Variants in SPO11 observed in about 807,000 individuals in gnomAD.
SPO11 encodes meiotic recombination protein SPO11.
SPO11 carries 49 observed loss-of-function variants against 51.6 expected under a neutral mutation model. The observed-to-expected ratio is 0.95, with a 90% CI of 0.75 to 1.20. SPO11 has a LOEUF of 1.20. Among genes scored for constraint, SPO11 ranks in the 50% most tolerant of loss-of-function variants. The pLI is 0.00. For synonymous variants in SPO11, 176 were observed against 158.2 expected (o/e 1.11, Z -0.84); for missense variants, 431 against 473.4 (o/e 0.91, Z 0.83).
rs2066608048 is a variant in SPO11, at chr20:57,343,445, T to C, written c.1176T>C (p.Phe392=). The C allele has an allele frequency of 1.3e-6, 2 of 1,596,668 alleles. No individual in the cohort carries two copies. The highest frequency in any genetic ancestry group is 1.7e-6 in the Non-Finnish European group (2 of 1,175,304). The change falls in exon 13 of 13, where the codon TTT becomes TTC. Residue 392 remains phenylalanine, a synonymous_variant. Coordinates refer to ENST00000371263, the MANE Select transcript of SPO11 (RefSeq NM_012444.3). ...TGTACTTACCTAACAAATTAAAATT[T>C]GGAGGATGGATATAAAAATAAATCA... ...SRVYLPNKLK[F]GGWI is the part of the protein sequence containing the mutation.
intron 7 of SPO11, among the ~76,000 whole-genome samples, 161 bp from the exon 8 acceptor site, chr20:57,335,637 C>G (rs916167438): frequency 6.6e-6 from 1 of 152,028 alleles, no homozygotes; most frequent in Non-Finnish European, 1.5e-5. Context: ...GTGGAAGAGA[C>G]AGATATCTGA....
intron 11 of SPO11, among the ~76,000 whole-genome samples, chr20:57,340,661 G>A (rs916683991): frequency 2.0e-5 from 3 of 152,012 alleles, no homozygotes; most frequent in Non-Finnish European, 4.4e-5. Context: ...CAGCTACCGG[G>A]AAGGCTGAGG....
chr20:57,336,739 C>T (rs551190878), intron 8 of SPO11, among the ~76,000 whole-genome samples: 1 of 152,260 alleles, frequency 6.6e-6, no homozygotes, highest in Non-Finnish European at 1.5e-5. Context: ...TGTTCATGTG[C>T]TATTATTTTT....
At chr20:57,340,532 G>A (rs1031271122) in intron 11 of SPO11, among the ~76,000 whole-genome samples, 22 of 152,204 alleles carry the variant, frequency 1.4e-4, no homozygotes, top group African/African-American at 5.3e-4. Flanking sequence ...GGGAGGCCAA[G>A]GTGGGCGGAT....
Position 57,333,968 on chromosome 20 carries a change from G to T in SPO11, c.402-19G>T. ...AAAGAATATAGTTAATTAAAAATAT[G>T]TATTTTAAATTTTCATAGGGACATA... On this transcript the variant is annotated intron_variant, in intron 4 of 12. Coordinates refer to ENST00000371263, the MANE Select transcript of SPO11 (RefSeq NM_012444.3). 7.3e-7 allele frequency: 1 copy of T among 1,364,988 alleles called. No individual in the cohort carries two copies. Among genetic ancestry groups the T allele is most frequent in the Non-Finnish European group, 1.0e-6 (1 of 991,016 alleles). 84.6% of individuals were successfully genotyped at this position (1,364,988 alleles called of 1,614,324 possible). A position where few individuals can be genotyped will look rare whatever the true frequency, so the allele number is the denominator to read the frequency against.
At chr20:57,341,692 G>A (rs2066583768) in intron 11 of SPO11, among the ~76,000 whole-genome samples, 1 of 152,174 alleles carries the variant, frequency 6.6e-6, no homozygotes, top group South Asian at 2.1e-4. Context: ...CTGGATTAAC[G>A]TGTTCAATTT....
Position 57,332,565 on chromosome 20 carries a change from C to T in SPO11, c.245+619C>T, listed in dbSNP as rs1471118982. On this transcript the variant is annotated intron_variant, in intron 2 of 12. Transcript: ENST00000371263. ...AATGAAAGGAATTTTGAGTCTCCTT[C>T]ATCACTGTTGTTTTATGATCTATAT... Among the ~76,000 whole-genome samples, 5 of 151,704 alleles carry T rather than the reference C, an allele frequency of 3.3e-5. No individual in the cohort carries two copies. The East Asian group carries it at 5.8e-4, about 17-fold the overall frequency.
In SPO11 at chr20:57,334,076, CAAG is replaced by C. The variant is rs1568758714; in HGVS notation, c.492_494del (p.Arg166del). The C allele has an allele frequency of 1.3e-6, 2 of 1,570,926 alleles. No individual in the cohort carries two copies. Among genetic ancestry groups the C allele is most frequent in the Admixed American group, 1.7e-5 (1 of 57,974 alleles). On this transcript the variant is annotated inframe_deletion, in exon 5 of 13. Transcript: ENST00000371263. Reference sequence around the variant, plus strand: ...GACATTTCTTGCATGTTAAAAGTGTCAAGGAGGAGTCTACATATAGTAAGTAGT... The same window carrying C: ...GACATTTCTTGCATGTTAAAAGTGTCGAGGAGTCTACATATAGTAAGTAGT...
intron 12 of SPO11, among the ~76,000 whole-genome samples, 191 bp downstream of exon 12, chr20:57,343,031 G>A (rs2146105125): frequency 6.6e-6 from 1 of 152,240 alleles, no homozygotes; most frequent in East Asian, 1.9e-4. Context: ...TCAGTGAATG[G>A]AGCTGGCCTG....
chr20:57,334,280 G>A (rs568608223), intron 5 of SPO11, among the ~76,000 whole-genome samples, 185 bp downstream of exon 5: 2 of 151,196 alleles, frequency 1.3e-5, no homozygotes, highest in South Asian at 2.1e-4. Flanking sequence ...TCAGCCTCCC[G>A]AGTAGCTGGG....
chr20:57,342,746 A>G lies in SPO11; in HGVS notation c.977A>G (p.Asp326Gly), dbSNP rs1044882101. ...TTTTCCAGATTAAATGTACCTAAAG[A>G]TAGTTTGATTCCACTGACAAAAAGG... is the stretch of plus-strand genomic sequence containing the variant. The part of the protein sequence containing the change: ...SDLKRLNVPK[D>G]SLIPLTKRDQ... Residue 326 changes from aspartate to glycine, a missense_variant, in exon 12 of 13, where the codon GAT (aspartate) becomes GGT (glycine). Asp to Gly is a moderately conservative substitution (Grantham distance 94). This residue lies in a region of SPO11 where 405 missense variants were observed against 425.9 expected (regional missense o/e 0.95). Transcript: ENST00000371263. The G allele has an allele frequency of 3.1e-6, 5 of 1,612,348 alleles. No individual in the cohort carries two copies. Among genetic ancestry groups the G allele is most frequent in the Admixed American group, 1.7e-5 (1 of 59,916 alleles).
At chr20:57,330,091 G>A in intron 1 of SPO11, 93 bp downstream of exon 1, 1 of 1,437,128 alleles carries the variant, frequency 7.0e-7, no homozygotes, top group Non-Finnish European at 9.2e-7. Context: ...TGTTGAGGCT[G>A]AGGAGGCACC....
At chr20:57,338,226 C>A in intron 8 of SPO11, 50 bp from the exon 9 acceptor site, 1 of 1,261,706 alleles carries the variant, frequency 7.9e-7, no homozygotes, top group Non-Finnish European at 1.2e-6. Flanking sequence ...ATAATTGTAA[C>A]CATTTTATTC....
intron 12 of SPO11, 54 bp downstream of exon 12, chr20:57,342,894 G>C (rs2066600477): frequency 2.5e-6 from 3 of 1,224,206 alleles, no homozygotes; most frequent in Non-Finnish European, 1.2e-6. Context: ...TTTTACTTTA[G>C]TAGTGGCTAT....
At chr20:57,334,152 A>T in intron 5 of SPO11, 57 bp downstream of exon 5, 5 of 945,592 alleles carry the variant, frequency 5.3e-6, no homozygotes, top group Non-Finnish European at 7.4e-6. Context: ...TGTATAAAAC[A>T]TAATTTTTTT....
At position 57,330,004 on chromosome 20, in the gene SPO11, G is replaced by A. The variant is rs779142011; in HGVS notation, c.131+6G>A. On this transcript the variant is annotated splice_donor_region_variant and intron_variant, in intron 1 of 12. Coordinates refer to ENST00000371263, the MANE Select transcript of SPO11 (RefSeq NM_012444.3). The stretch of plus-strand genomic sequence containing the variant: ...GGAAGCCGCCTGGCCTCCAGGTACA[G>A]GAGCTGGTGCCGAGGCGCGACGCAG... 1.3e-6 allele frequency: 2 copies of A among 1,587,736 alleles called. No individual in the cohort carries two copies. The highest frequency in any genetic ancestry group is 1.7e-6 in the Non-Finnish European group (2 of 1,169,402).
chr20:57,338,345 G>A lies in SPO11; in HGVS notation c.814G>A (p.Val272Ile). 6.2e-7 allele frequency: 1 copy of A among 1,613,342 alleles called. No individual in the cohort carries two copies. Among genetic ancestry groups the A allele is most frequent in the South Asian group, 1.1e-5 (1 of 91,048 alleles). ...ACTGTGGGATACATTTCATGTTCCT[G>A]TTTTCACTCTTGTAGATGCTGATCC... ...KKLWDTFHVP[V>I]FTLVDADPHG... The change falls in exon 9 of 13, where the codon GTT (valine) becomes ATT (isoleucine). Residue 272 changes from valine (V) to isoleucine (I), a missense_variant. By Grantham distance (29) the Val-to-Ile change is conservative (BLOSUM62 3). This residue lies in a region of SPO11 where 405 missense variants were observed against 425.9 expected (regional missense o/e 0.95). Coordinates refer to ENST00000371263, the MANE Select transcript of SPO11 (RefSeq NM_012444.3).
At chr20:57,338,842 G>T (rs529788775) in intron 9 of SPO11, 147 bp from the exon 10 acceptor site, 7 of 525,802 alleles carry the variant, frequency 1.3e-5, no homozygotes, top group South Asian at 2.4e-5. Context: ...ACAATTTATC[G>T]TTACTTTGTC....
intron 12 of SPO11, 59 bp from the exon 13 acceptor site, chr20:57,343,282 G>A: frequency 6.3e-7 from 1 of 1,584,186 alleles, no homozygotes; most frequent in Admixed American, 1.9e-5. Flanking sequence ...CTAGTTTGTT[G>A]AATTGACAGA....
Sources: gnomAD v4.1 joint callset for allele counts (sites outside exome capture counted in the v4.1 genomes callset) on GRCh38, gnomAD v4.1.1 for gene constraint, gnomAD v4.1.1 regional missense constraint, MANE v1.5 for transcripts, NCBI Gene and HGNC (gene_info 2026-07-23, HGNC 2026-07-21) for gene names.